The following CNGB3 variants were observed in gnomAD, a reference collection of about 807,000 sequenced individuals.
CNGB3 encodes the protein cyclic nucleotide gated channel subunit beta 3.
In CNGB3, 86 loss-of-function variants were observed where a neutral mutation model predicts 92.8. The ratio of observed to expected loss-of-function variants is 0.93; its 90% CI spans 0.78 to 1.11. The LOEUF (loss-of-function observed/expected upper bound fraction) is 1.11, where lower values mean the gene tolerates loss of function less well. Among genes scored for constraint, CNGB3 ranks in the 50% least tolerant of loss-of-function variants. The pLI, the probability that CNGB3 is intolerant of heterozygous loss-of-function variation, is 0.00. For synonymous variants in CNGB3, 333 were observed against 332.7 expected (o/e 1.00, Z -0.01); for missense variants, 1,026 against 956.8 (o/e 1.07, Z -0.95).
chr8:86,703,966 A>G (rs906286020), intron 3 of CNGB3: 2 of 152,226 alleles, frequency 1.3e-5, no homozygotes, highest in Admixed American at 1.3e-4. Flanking sequence ...GTCAAAATTT[A>G]TTGCAAATTA....
chr8:86,589,294 T>A (rs1304923363), intron 15 of CNGB3, among the ~76,000 whole-genome samples: 1 of 151,278 alleles, frequency 6.6e-6, no homozygotes, highest in Non-Finnish European at 1.5e-5. Context: ...AACCAGATCC[T>A]GGATTCATTA....
rs908750016 is a variant in CNGB3 at position 86,628,977 on chromosome 8, A to G, written c.1422T>C (p.Leu474=). 2.5e-6 allele frequency: 4 copies of G among 1,613,888 alleles called. No homozygotes were observed. The highest frequency in any genetic ancestry group is 3.4e-6 in the Non-Finnish European group (4 of 1,179,948). ...AYMNNYSIPK[L]VQKRVRTWYE... Reference sequence around the variant, plus strand: ...ACCAAGTCCGAACTCGCTTTTGCACAAGTTTAGGAATGGAGTAATTGTTCA... The same window carrying G: ...ACCAAGTCCGAACTCGCTTTTGCACGAGTTTAGGAATGGAGTAATTGTTCA... The change falls in exon 12 of 18, where the codon CTT becomes CTC. Residue 474 remains leucine, a synonymous_variant. Transcript: ENST00000320005.
At chr8:86,679,495 A>T (rs540325467) in intron 3 of CNGB3, among the ~76,000 whole-genome samples, 1 of 151,492 alleles carries the variant, frequency 6.6e-6, no homozygotes, top group Admixed American at 6.6e-5. Flanking sequence ...GATTGATAGG[A>T]TTGGTGTCCT....
chr8:86,625,995 G>A lies in CNGB3; in HGVS notation c.1566C>T (p.Val522=), dbSNP rs201787120. 24 of 1,613,376 alleles carry A rather than the reference G, an allele frequency of 1.5e-5. No homozygotes were observed. The East Asian group carries it at 2.7e-4, about 18-fold the overall frequency. ...TAAAAGCACTTGCCTTGAACAAGTCGACTTTGCTGATGATGCTGAAGTTCA... is the reference window on the plus strand; with the variant it reads ...TAAAAGCACTTGCCTTGAACAAGTCAACTTTGCTGATGATGCTGAAGTTCA... ...IDVNFSIISK[V]DLFKGCDTQM... is the part of the protein sequence containing the mutation. Residue 522 remains valine (V), a synonymous_variant, in exon 13 of 18, where the codon GTC becomes GTT. Transcript: ENST00000320005.
chr8:86,636,736 C>G (rs1161131591), intron 10 of CNGB3, among the ~76,000 whole-genome samples: 6 of 152,064 alleles, frequency 3.9e-5, no homozygotes. Context: ...TTGACTTACA[C>G]TTCCCCATTA....
intron 15 of CNGB3, among the ~76,000 whole-genome samples, chr8:86,583,605 C>T (rs765918556): frequency 2.6e-5 from 4 of 151,980 alleles, no homozygotes; most frequent in Non-Finnish European, 4.4e-5. Flanking sequence ...TGACAGGGTC[C>T]AGGACTCTCC....
chr8:86,717,561 C>A (rs1449367697), intron 3 of CNGB3, among the ~76,000 whole-genome samples: 405 of 119,438 alleles, frequency 3.4e-3, no homozygotes, highest in Middle Eastern at 4.3e-3. Context: ...GACTCTGTCT[C>A]AAAAAAAAAA....
At chr8:86,685,935 T>C (rs1274348878) in intron 3 of CNGB3, among the ~76,000 whole-genome samples, 2 of 151,850 alleles carry the variant, frequency 1.3e-5, no homozygotes, top group African/African-American at 2.4e-5. Flanking sequence ...AATTTTTTAA[T>C]ATTTAAACTG....
At chr8:86,704,610 T>C (rs1824617778) in intron 3 of CNGB3, among the ~76,000 whole-genome samples, 1 of 152,180 alleles carries the variant, frequency 6.6e-6, no homozygotes, top group South Asian at 2.1e-4. Context: ...GAGGTTTCTC[T>C]CTAACTGATT....
At chr8:86,673,994 C>A (rs1254405399) in intron 3 of CNGB3, among the ~76,000 whole-genome samples, 1 of 152,178 alleles carries the variant, frequency 6.6e-6, no homozygotes, top group Middle Eastern at 3.2e-3. Context: ...GGAACTGTGT[C>A]TTTTCTTCAT....
At chr8:86,661,561 T>C in intron 6 of CNGB3, 1 of 726,220 alleles carries the variant, frequency 1.4e-6, no homozygotes. Context: ...TTTTCTCTAA[T>C]GTTGCCAAAT....
chr8:86,633,013 C>T (rs1242531011), intron 10 of CNGB3, 120 bp from the exon 11 acceptor site: 1 of 889,582 alleles, frequency 1.1e-6, no homozygotes, highest in Non-Finnish European at 1.8e-6. Flanking sequence ...GATTTTCTTT[C>T]TCTAGACAGC....
In CNGB3 at chr8:86,666,472, T is replaced by C. The variant is rs927976804; in HGVS notation, c.852+453A>G. Reference sequence around the variant, plus strand: ...TTGGGCTTTGAGCAAATAACCTCCCTCTCTAAACCTCAGTTTCCTCATTTG... The same window carrying C: ...TTGGGCTTTGAGCAAATAACCTCCCCCTCTAAACCTCAGTTTCCTCATTTG... On this transcript the variant is annotated intron_variant, in intron 6 of 17. Transcript: ENST00000320005. Among the ~76,000 whole-genome samples the C allele has an allele frequency of 4.6e-5, 7 of 152,278 alleles. 1 individual carries two copies. The highest frequency in any genetic ancestry group is 1.4e-4 in the African/African-American group (6 of 41,552).
chr8:86,613,762 C>T (rs1585969873), intron 13 of CNGB3, among the ~76,000 whole-genome samples: 2 of 151,246 alleles, frequency 1.3e-5, no homozygotes, highest in African/African-American at 4.8e-5. Flanking sequence ...TGAACAACTC[C>T]TATCAGAATG....
At chr8:86,661,902 A>T in intron 6 of CNGB3, 1 of 817,388 alleles carries the variant, frequency 1.2e-6, no homozygotes, top group East Asian at 2.5e-5. Flanking sequence ...TATTGGTGAA[A>T]AAGATGGATA....
intron 7 of CNGB3, among the ~76,000 whole-genome samples, chr8:86,651,725 G>A (rs1408187730): frequency 6.6e-6 from 1 of 151,770 alleles, no homozygotes; most frequent in Non-Finnish European, 1.5e-5. Context: ...ATTTCTCATT[G>A]AACTGTAGAA....
At chr8:86,682,600 T>G (rs1425223920) in intron 3 of CNGB3, among the ~76,000 whole-genome samples, 1 of 152,142 alleles carries the variant, frequency 6.6e-6, no homozygotes, top group Non-Finnish European at 1.5e-5. Flanking sequence ...ATGCAGAGAT[T>G]GGCTTCTTTC....
chr8:86,621,924 A>G (rs375193858), intron 13 of CNGB3, among the ~76,000 whole-genome samples: 1 of 152,090 alleles, frequency 6.6e-6, no homozygotes. Flanking sequence ...TTAGCTGGGC[A>G]TGGTGGCACT....
At chr8:86,724,233 T>C (rs916666244) in intron 3 of CNGB3, among the ~76,000 whole-genome samples, 1 of 152,184 alleles carries the variant, frequency 6.6e-6, no homozygotes, top group African/African-American at 2.4e-5. Context: ...CTCAGGATAG[T>C]GATACTGATG....
Sources: gnomAD v4.1 joint callset for allele counts (sites outside exome capture counted in the v4.1 genomes callset) on GRCh38, gnomAD v4.1.1 for gene constraint, MANE v1.5 for transcripts, NCBI Gene and HGNC (gene_info 2026-07-23, HGNC 2026-07-21) for gene names.